PCDHGA1: variants seen among roughly 807,000 people sequenced by gnomAD.
PCDHGA1 encodes protocadherin gamma-A1.
A neutral mutation model predicts 58.0 loss-of-function variants in PCDHGA1; 32 were observed. That is an observed-to-expected ratio of 0.55 (90% CI 0.42 to 0.74). The LOEUF (loss-of-function observed/expected upper bound fraction) is 0.74. Among genes scored for constraint, PCDHGA1 ranks in the 30% least tolerant of loss-of-function variants. The pLI, the probability that PCDHGA1 is intolerant of heterozygous loss-of-function variation, is 0.00. For synonymous variants in PCDHGA1, 498 were observed against 501.1 expected (o/e 0.99, Z 0.08); for missense variants, 1,205 against 1,182.3 (o/e 1.02, Z -0.28).
Position 141,439,149 on chromosome 5 carries a change from C to T in PCDHGA1, c.2422-55658C>T, listed in dbSNP as rs543388568. Reference sequence around the variant, plus strand: ...CAGAGGTTGCAGTGAGCTGAGATCACGCCACTGCACTCCAGCCTGGGCGAC... The same window carrying T: ...CAGAGGTTGCAGTGAGCTGAGATCATGCCACTGCACTCCAGCCTGGGCGAC... On this transcript the variant is annotated intron_variant, in intron 1 of 3. Transcript: ENST00000517417. Among the ~76,000 whole-genome samples, 165 of 150,018 alleles carry T rather than the reference C, an allele frequency of 1.1e-3. 1 individual carries two copies. In the Middle Eastern group the frequency reaches 0.017, roughly 16 times the overall value.
chr5:141,374,973 T>C (rs1770996442), intron 1 of PCDHGA1: 1 of 1,614,028 alleles, frequency 6.2e-7, no homozygotes, highest in Non-Finnish European at 8.5e-7. Flanking sequence ...TTGAATGTTT[T>C]GACTGGAGAA....
At chr5:141,404,029 C>A in intron 1 of PCDHGA1, 2 of 1,613,428 alleles carry the variant, frequency 1.2e-6, no homozygotes, top group South Asian at 1.1e-5. Flanking sequence ...TGAGAGAAGA[C>A]GCACCTCAGG....
chr5:141,357,564 C>G (rs373329089), intron 1 of PCDHGA1: 1 of 1,614,202 alleles, frequency 6.2e-7, no homozygotes, highest in Non-Finnish European at 8.5e-7. Context: ...GTGAGAAAAG[C>G]GAGCCTCTTC....
intron 1 of PCDHGA1, chr5:141,385,518 A>T (rs1194402340): frequency 9.5e-6 from 13 of 1,366,176 alleles, no homozygotes; most frequent in Non-Finnish European, 1.2e-5. Flanking sequence ...GTGAAAGCCT[A>T]TGGACAAGAT....
In PCDHGA1 at chr5:141,422,884, G is replaced by C. The variant is rs202035589; in HGVS notation, c.2422-71923G>C. On this transcript the variant is annotated intron_variant, in intron 1 of 3. Transcript: ENST00000517417. ...CAGCAACGTGTCGCTGAGCCTGTTC[G>C]TGCTGGACCAGAACGACAATGCGCC... The C allele has an allele frequency of 1.7e-4, 278 of 1,614,240 alleles. No homozygotes were observed. The African/African-American group carries it at 2.0e-3, about 12-fold the overall frequency.
Position 141,431,910 on chromosome 5 carries a change from G to A in PCDHGA1, c.2422-62897G>A. The A allele has an allele frequency of 6.2e-7, 1 of 1,614,096 alleles. No individual in the cohort carries two copies. Among genetic ancestry groups the A allele is most frequent in the Non-Finnish European group, 8.5e-7 (1 of 1,179,934 alleles). On this transcript the variant is annotated intron_variant, in intron 1 of 3. Transcript: ENST00000517417. This position sits in a 1 kb window ranked among gnomAD's most constrained non-coding sequence, Gnocchi z 4.8. ...TCTGAGGAAAACGGACAGGTGATCTGTTTCATCCAAGGAAATCTGCCCTTT... is the reference window on the plus strand; with the variant it reads ...TCTGAGGAAAACGGACAGGTGATCTATTTCATCCAAGGAAATCTGCCCTTT...
chr5:141,460,624 T>TA (rs1464862917), intron 1 of PCDHGA1, among the ~76,000 whole-genome samples: 2 of 152,128 alleles, frequency 1.3e-5, no homozygotes, highest in African/African-American at 4.8e-5. Context: ...GATAGACAGA[T>TA]ACAGATATAT....
chr5:141,389,705 G>A (rs770533850), intron 1 of PCDHGA1: 2 of 1,612,552 alleles, frequency 1.2e-6, no homozygotes, highest in Admixed American at 3.3e-5. Context: ...ACCACGTGCT[G>A]CAGGCTAGCG....
intron 1 of PCDHGA1, chr5:141,427,983 C>T (rs1390934748): frequency 1.3e-6 from 2 of 1,596,840 alleles, no homozygotes; most frequent in Admixed American, 1.7e-5. Flanking sequence ...CGCGCTGGGG[C>T]CCGATGGCTC....
chr5:141,471,404 TTA>T (rs1320685792), intron 1 of PCDHGA1: 3 of 152,170 alleles, frequency 2.0e-5, no homozygotes, highest in Non-Finnish European at 4.4e-5. Flanking sequence ...GTAGCTAGGC[TTA>T]GTTATGTTTT....
At chr5:141,333,372 A>C in intron 1 of PCDHGA1, 1 of 594,206 alleles carries the variant, frequency 1.7e-6, no homozygotes. Context: ...GTTTGGAAAG[A>C]GCACTGCATT....
At position 141,369,163 on chromosome 5, in the gene PCDHGA1, A is replaced by G. The variant is rs184652156; in HGVS notation, c.2421+36058A>G. Reference sequence around the variant, plus strand: ...AATGGCATGTTATTGACCAGGGAAAAGTGTAAATAACAAAAAGTTAGGATT... The same window carrying G: ...AATGGCATGTTATTGACCAGGGAAAGGTGTAAATAACAAAAAGTTAGGATT... On this transcript the variant is annotated intron_variant, in intron 1 of 3. Transcript: ENST00000517417. Among the ~76,000 whole-genome samples, 9 of 152,372 alleles carry G rather than the reference A, an allele frequency of 5.9e-5. No homozygotes were observed. In the East Asian group the frequency reaches 1.7e-3, roughly 29 times the overall value.
intron 1 of PCDHGA1, chr5:141,345,218 A>T (rs777830589): frequency 2.5e-6 from 4 of 1,613,882 alleles, no homozygotes; most frequent in Non-Finnish European, 3.4e-6. Flanking sequence ...TTAAGTTAGA[A>T]AAATCAATAG....
At chr5:141,373,775 C>A in intron 1 of PCDHGA1, 1 of 265,272 alleles carries the variant, frequency 3.8e-6, no homozygotes, top group Non-Finnish European at 7.0e-6. Flanking sequence ...GTCATCTCTG[C>A]AGATTTAGCA....
intron 1 of PCDHGA1, chr5:141,341,184 C>T: frequency 6.2e-7 from 1 of 1,614,228 alleles, no homozygotes; most frequent in Non-Finnish European, 8.5e-7. Flanking sequence ...ATGCAGAGCT[C>T]GCACTTTGTG....
intron 1 of PCDHGA1, among the ~76,000 whole-genome samples, chr5:141,446,824 A>T (rs973108119): frequency 1.3e-5 from 2 of 152,156 alleles, no homozygotes; most frequent in African/African-American, 4.8e-5. Flanking sequence ...AGATGGGTAG[A>T]TCCTTATAAG....
At chr5:141,371,661 A>G (rs1767926487) in intron 1 of PCDHGA1, 2 of 1,614,044 alleles carry the variant, frequency 1.2e-6, no homozygotes, top group Admixed American at 1.7e-5. Context: ...TGTGACGATC[A>G]CAGCTACCGA....
At chr5:141,415,538 G>A in intron 1 of PCDHGA1, 1 of 1,614,182 alleles carries the variant, frequency 6.2e-7, no homozygotes, top group Non-Finnish European at 8.5e-7. Flanking sequence ...AGCCAGGAGA[G>A]CTGTGAGAAA....
At chr5:141,502,666 T>C (rs962424461) in intron 2 of PCDHGA1, among the ~76,000 whole-genome samples, 10 of 152,234 alleles carry the variant, frequency 6.6e-5, no homozygotes, top group African/African-American at 2.2e-4. Context: ...CTTCATGCAA[T>C]TTTAGTATTC....
Sources: gnomAD v4.1 joint callset for allele counts (sites outside exome capture counted in the v4.1 genomes callset) on GRCh38, gnomAD v4.1.1 for gene constraint, Gnocchi (gnomAD v3.1) non-coding constraint, MANE v1.5 for transcripts, NCBI Gene and HGNC (gene_info 2026-07-23, HGNC 2026-07-21) for gene names.